The following MFN2 variants were observed in gnomAD, a reference collection of about 807,000 sequenced individuals.
The protein encoded by MFN2 is mitofusin 2.
In MFN2, 43 loss-of-function variants were observed where a neutral mutation model predicts 87.5. The observed-to-expected ratio is 0.49, with a 90% CI of 0.38 to 0.63. MFN2 has a LOEUF of 0.63. Among genes scored for constraint, MFN2 ranks in the 30% least tolerant of loss-of-function variants. The pLI is 0.00. For missense variants in MFN2, 743 were observed against 972.8 expected, an observed-to-expected ratio of 0.76 and a Z score of 3.14; for synonymous variants, 337 against 359.9, an observed-to-expected ratio of 0.94 and a Z score of 0.72.
chr1:11,987,090 A>G (rs903297213), intron 2 of MFN2, among the ~76,000 whole-genome samples: 1 of 152,086 alleles, frequency 6.6e-6, no homozygotes, highest in Non-Finnish European at 1.5e-5. Context: ...CAGATGGATC[A>G]CTTGAGGTCA....
At chr1:12,009,778 C>G (rs1639609459) in intron 18 of MFN2, 52 bp downstream of exon 18, 1 of 1,612,654 alleles carries the variant, frequency 6.2e-7, no homozygotes, top group Non-Finnish European at 8.5e-7. Context: ...GCAGCCCAGG[C>G]ACACTGGGGC....
intron 17 of MFN2, among the ~76,000 whole-genome samples, chr1:12,008,717 T>A (rs1639550869): frequency 6.8e-6 from 1 of 148,104 alleles, no homozygotes; most frequent in African/African-American, 2.5e-5. Context: ...GCTCCTCACT[T>A]CCCAGAGTGG....
chr1:12,005,645 A>G, intron 14 of MFN2, 66 bp from the exon 15 acceptor site: 1 of 1,508,658 alleles, frequency 6.6e-7, no homozygotes, highest in Non-Finnish European at 9.2e-7. Flanking sequence ...CCTGTCTCCA[A>G]GGCTTGGTGC....
chr1:11,980,629 C>T (rs1371850037), intron 1 of MFN2, 145 bp downstream of exon 1: 1 of 396,078 alleles, frequency 2.5e-6, no homozygotes, highest in Admixed American at 4.4e-5. Flanking sequence ...CCGGCCTCGC[C>T]GCCGGGCCCT....
Position 12,011,637 on chromosome 1 carries a change from AG to A in MFN2, c.*76del. 3 of 1,533,072 alleles carry A rather than the reference AG, an allele frequency of 2.0e-6. No individual in the cohort carries two copies. The highest frequency in any genetic ancestry group is 2.7e-6 in the Non-Finnish European group (3 of 1,109,360). 95.0% of individuals were successfully genotyped at this position (1,533,072 alleles called of 1,614,324 possible). On this transcript the variant is annotated 3_prime_UTR_variant, in exon 19 of 19. Transcript: ENST00000235329. ...CCCTAAGTGCCATGTGGGCTCCCCC[AG>A]GGGCACGTGTGGCTCCTGCCCCCTG...
At position 12,013,284 on chromosome 1, in the gene MFN2, A is replaced by C; in HGVS notation, c.*1719A>C. ...AAATTTTGAGCTTCTTCAATACGTAAAATTAAATTTATACCACTGAGGGAG... is the reference window on the plus strand; with the variant it reads ...AAATTTTGAGCTTCTTCAATACGTACAATTAAATTTATACCACTGAGGGAG... On this transcript the variant is annotated 3_prime_UTR_variant, in exon 19 of 19. Transcript: ENST00000235329. The C allele has an allele frequency of 2.3e-6, 1 of 440,216 alleles. No homozygotes were observed. Among genetic ancestry groups the C allele is most frequent in the South Asian group, 1.7e-5 (1 of 59,768 alleles). The allele number at this position is 440,216 out of a possible 1,614,324, so 27.3% of individuals were successfully genotyped here. A position where few individuals can be genotyped will look rare whatever the true frequency, so the allele number is the denominator to read the frequency against.
chr1:12,005,757 C>A lies in MFN2; in HGVS notation c.1542C>A (p.Asp514Glu). Reference sequence around the variant, plus strand: ...CTGTGTCTGTGCGGAGTCAGATAGACATGCTGGTCCCACGCCAGTGCTTCT... The same window carrying A: ...CTGTGTCTGTGCGGAGTCAGATAGAAATGCTGGTCCCACGCCAGTGCTTCT... ...LLPVSVRSQI[D>E]MLVPRQCFSL... The change falls in exon 15 of 19, where the codon GAC (aspartate) becomes GAA (glutamate). Residue 514 changes from aspartate (D) to glutamate (E), a missense_variant. This residue lies in a region of MFN2 where 571 missense variants were observed against 670.7 expected (regional missense o/e 0.85). Coordinates refer to ENST00000235329, the MANE Select transcript of MFN2 (RefSeq NM_014874.4). 6.2e-7 allele frequency: 1 copy of A among 1,614,236 alleles called. No individual in the cohort carries two copies. Among genetic ancestry groups the A allele is most frequent in the South Asian group, 1.1e-5 (1 of 91,088 alleles).
chr1:12,008,326 T>C (rs545074726), intron 17 of MFN2, among the ~76,000 whole-genome samples: 108 of 140,418 alleles, frequency 7.7e-4, no homozygotes, highest in African/African-American at 2.8e-3. Flanking sequence ...AAGGGGTGGT[T>C]GGGCAGAGGC....
Position 11,995,978 on chromosome 1 carries a change from G to A in MFN2, c.312-178G>A, listed in dbSNP as rs1418718194. Among the ~76,000 whole-genome samples, 6 of 152,158 alleles carry A rather than the reference G, an allele frequency of 3.9e-5. No individual in the cohort carries two copies. In the East Asian group the frequency reaches 1.2e-3, roughly 29 times the overall value. ...AACCAGGGGCATGTCAGAGGTTTGG[G>A]CCTGGGGGTGTTTATTCATTTTAAT... On this transcript the variant is annotated intron_variant, in intron 4 of 18. Transcript: ENST00000235329.
chr1:12,002,051 G>C lies in MFN2; in HGVS notation c.1108G>C (p.Glu370Gln), dbSNP rs377402479. The C allele has an allele frequency of 2.0e-5, 33 of 1,614,128 alleles. No individual in the cohort carries two copies. Among genetic ancestry groups the C allele is most frequent in the African/African-American group, 2.7e-5 (2 of 74,944 alleles). ...QHTVRAKQIA[E>Q]AVRLIMDSLH... Reference sequence around the variant, plus strand: ...CACGGTCCGGGCCAAGCAGATTGCAGAGGCGGTTCGACTCATCATGGACTC... The same window carrying C: ...CACGGTCCGGGCCAAGCAGATTGCACAGGCGGTTCGACTCATCATGGACTC... The change falls in exon 11 of 19, where the codon GAG (glutamate) becomes CAG (glutamine). Residue 370 changes from glutamate (E) to glutamine (Q), a missense_variant. By Grantham distance (29) the Glu-to-Gln change is conservative (BLOSUM62 2). Around this residue, in one of 3 missense-constraint regions of MFN2, gnomAD observed 571 missense variants for 670.7 expected, o/e 0.85. Coordinates refer to ENST00000235329, the MANE Select transcript of MFN2 (RefSeq NM_014874.4).
At chr1:12,002,605 T>C (rs1388996734) in intron 11 of MFN2, among the ~76,000 whole-genome samples, 1 of 152,174 alleles carries the variant, frequency 6.6e-6, no homozygotes, top group Non-Finnish European at 1.5e-5. Flanking sequence ...GGAGGATCAC[T>C]GGAGCCCAGG....
chr1:12,007,109 C>T lies in MFN2; in HGVS notation c.1929C>T (p.Leu643=), dbSNP rs767561373. 1 of 1,614,196 alleles carries T rather than the reference C, an allele frequency of 6.2e-7. No individual in the cohort carries two copies. The highest frequency in any genetic ancestry group is 8.5e-7 in the Non-Finnish European group (1 of 1,180,034). Residue 643 remains leucine (L), a synonymous_variant, in exon 17 of 19, where the codon CTC becomes CTT. Transcript: ENST00000235329. ...CCCTCTCCTTTGGGCTCTATGGCCT[C>T]CTCTACGTCTATGAGCGTCTGACCT... is the stretch of plus-strand genomic sequence containing the variant. The part of the protein sequence containing the change: ...LIALSFGLYG[L]LYVYERLTWT...
intron 17 of MFN2, among the ~76,000 whole-genome samples, chr1:12,008,747 C>T (rs1639553602): frequency 6.6e-6 from 1 of 151,930 alleles, no homozygotes; most frequent in South Asian, 2.1e-4. Flanking sequence ...CAGAGGGGCT[C>T]CTCACATCCC....
rs1220564032 is a variant in MFN2 at position 12,013,250 on chromosome 1, G to T, written c.*1685G>T. The T allele has an allele frequency of 1.0e-5, 4 of 392,704 alleles. No individual in the cohort carries two copies. The Admixed American group carries it at 1.1e-4, about 11-fold the overall frequency. 24.3% of individuals were successfully genotyped at this position (392,704 alleles called of 1,614,324 possible). A position where few individuals can be genotyped will look rare whatever the true frequency, so the allele number is the denominator to read the frequency against. ...ATTTTTTTTCAATGTAGCCCCTGGGGAATGAATGAAATTTTGAGCTTCTTC... is the reference window on the plus strand; with the variant it reads ...ATTTTTTTTCAATGTAGCCCCTGGGTAATGAATGAAATTTTGAGCTTCTTC... On this transcript the variant is annotated 3_prime_UTR_variant, in exon 19 of 19. Coordinates refer to ENST00000235329, the MANE Select transcript of MFN2 (RefSeq NM_014874.4).
At chr1:11,999,263 C>T (rs1639068499) in intron 8 of MFN2, among the ~76,000 whole-genome samples, 168 bp downstream of exon 8, 2 of 152,182 alleles carry the variant, frequency 1.3e-5, no homozygotes, top group Admixed American at 1.3e-4. Context: ...TCTTTCCCCT[C>T]TCCCATCCAC....
intron 6 of MFN2, 26 bp from the exon 7 acceptor site, chr1:11,998,744 A>AT: frequency 6.2e-7 from 1 of 1,604,928 alleles, no homozygotes; most frequent in Non-Finnish European, 8.5e-7. Context: ...CTGCCTGATG[A>AT]TTTGGTTTAC....
Position 12,004,207 on chromosome 1 carries a change from C to G in MFN2, c.1287+89C>G. The G allele has an allele frequency of 1.9e-6, 3 of 1,542,572 alleles. No homozygotes were observed. The highest frequency in any genetic ancestry group is 2.3e-5 in the South Asian group (2 of 87,074). Reference sequence around the variant, plus strand: ...AGACCTCCTCCTCTTAGGGACTTCTCAGCCTTTCAGAAGAAAGTTGTGGCC... The same window carrying G: ...AGACCTCCTCCTCTTAGGGACTTCTGAGCCTTTCAGAAGAAAGTTGTGGCC... On this transcript the variant is annotated intron_variant, in intron 12 of 18. Coordinates refer to ENST00000235329, the MANE Select transcript of MFN2 (RefSeq NM_014874.4). The surrounding 1 kb of genome is among the most constrained non-coding windows in gnomAD (Gnocchi z 4.2).
At chr1:12,011,313 C>G (rs564473704) in intron 18 of MFN2, among the ~76,000 whole-genome samples, 183 bp from the exon 19 acceptor site, 12 of 152,272 alleles carry the variant, frequency 7.9e-5, no homozygotes, top group African/African-American at 2.9e-4. Flanking sequence ...AGCCGTGTGG[C>G]CTTGGGAAGT....
chr1:11,999,654 G>C (rs371664635), intron 8 of MFN2, among the ~76,000 whole-genome samples: 2 of 151,888 alleles, frequency 1.3e-5, no homozygotes, highest in African/African-American at 4.8e-5. Flanking sequence ...CACCACGCCT[G>C]GCCTCACAAC....
Sources: gnomAD v4.1 joint callset for allele counts (sites outside exome capture counted in the v4.1 genomes callset) on GRCh38, gnomAD v4.1.1 for gene constraint, gnomAD v4.1.1 regional missense constraint, Gnocchi (gnomAD v3.1) non-coding constraint, MANE v1.5 for transcripts, NCBI Gene and HGNC (gene_info 2026-07-23, HGNC 2026-07-21) for gene names.